The following DHTKD1 variants were observed in gnomAD, a reference collection of about 807,000 sequenced individuals.
DHTKD1 encodes the protein 2-oxoadipate dehydrogenase complex component E1.
In DHTKD1, 78 loss-of-function variants were observed where a neutral mutation model predicts 101.8. The ratio of observed to expected loss-of-function variants is 0.77; its 90% CI spans 0.64 to 0.93. DHTKD1 has a LOEUF of 0.93. Ranked by LOEUF, DHTKD1 falls within the 40% of genes least tolerant of loss-of-function variation. The pLI is 0.00. For synonymous variants in DHTKD1, 462 were observed against 450.3 expected (o/e 1.03, Z -0.33); for missense variants, 1,223 against 1,161.7 (o/e 1.05, Z -0.77).
At chr10:12,118,632 T>G in intron 14 of DHTKD1, 117 bp from the exon 15 acceptor site, 1 of 634,872 alleles carries the variant, frequency 1.6e-6, no homozygotes, top group African/African-American at 1.8e-5. Context: ...TCCGCCCGCC[T>G]TGGCCTCCCA....
At chr10:12,101,251 G>A (rs1370932930) in intron 10 of DHTKD1, 70 bp downstream of exon 10, 2 of 1,522,636 alleles carry the variant, frequency 1.3e-6, no homozygotes, top group South Asian at 1.2e-5. Flanking sequence ...CTTAGAACAA[G>A]TAGGAAGGAG....
At chr10:12,100,287 G>GTTTTTTTTTTTTTGTTTT in intron 9 of DHTKD1, 25 bp downstream of exon 9, 3 of 269,856 alleles carry the variant, frequency 1.1e-5, no homozygotes, top group Non-Finnish European at 1.2e-5. Flanking sequence ...TTTTTTTTCT[G>GTTTTTTTTTTTTTGTTTT]TTTTTTTTTT....
At chr10:12,084,002 A>G (rs1203223547) in intron 2 of DHTKD1, among the ~76,000 whole-genome samples, 3 of 150,186 alleles carry the variant, frequency 2.0e-5, no homozygotes, top group Non-Finnish European at 4.4e-5. Flanking sequence ...GGCTCACTGC[A>G]ACCTCTGCCT....
intron 12 of DHTKD1, among the ~76,000 whole-genome samples, chr10:12,108,379 A>G (rs1277919248): frequency 6.6e-6 from 1 of 152,052 alleles, no homozygotes; most frequent in African/African-American, 2.4e-5. Context: ...TCTTGGGTTC[A>G]AGCGATTCTC....
chr10:12,073,803 C>T (rs1832685034), intron 1 of DHTKD1, among the ~76,000 whole-genome samples: 1 of 152,208 alleles, frequency 6.6e-6, no homozygotes, highest in East Asian at 1.9e-4. Flanking sequence ...GAAGAAGCTG[C>T]TTCAGCTCTT....
intron 7 of DHTKD1, 33 bp from the exon 8 acceptor site, chr10:12,097,651 G>C (rs1309610206): frequency 6.4e-7 from 1 of 1,569,398 alleles, no homozygotes; most frequent in Admixed American, 1.8e-5. Context: ...TTACAGGTCA[G>C]ACTGATTTTT....
rs552607009 is a variant in DHTKD1, at chr10:12,087,044, C to G, written c.523-491C>G. 4.6e-5 allele frequency among the ~76,000 whole-genome samples: 7 copies of G among 152,196 alleles called. No individual in the cohort carries two copies. The South Asian group carries it at 1.5e-3, about 32-fold the overall frequency. On this transcript the variant is annotated intron_variant, in intron 3 of 16. Coordinates refer to ENST00000263035, the MANE Select transcript of DHTKD1 (RefSeq NM_018706.7). The surrounding 1 kb of genome is among the most constrained non-coding windows in gnomAD (Gnocchi z 5.2). ...AGTTCAGAACTTAATCTGAGATGAT[C>G]AAAAGATGACATGTGGAAGACAGGC...
intron 13 of DHTKD1, among the ~76,000 whole-genome samples, chr10:12,115,903 T>C (rs1172035055): frequency 6.6e-5 from 10 of 151,920 alleles, no homozygotes; most frequent in African/African-American, 2.4e-4. Context: ...CTGGGACTAT[T>C]AGGTGTGTGC....
At chr10:12,075,067 T>C (rs1049955471) in intron 1 of DHTKD1, among the ~76,000 whole-genome samples, 4 of 152,014 alleles carry the variant, frequency 2.6e-5, no homozygotes, top group African/African-American at 9.7e-5. Flanking sequence ...GCCGAGATGG[T>C]GCCACTGTAC....
In DHTKD1 at chr10:12,091,521, T is replaced by C; in HGVS notation, c.996T>C (p.Gly332=). ...CTTGCCTCATGATTTAGGTCCATGG[T>C]GATGCTTCTTTCTGTGGTCAAGGGA... ...GDRVICLQVH[G]DASFCGQGIV... is the part of the protein sequence containing the mutation. The change falls in exon 6 of 17, where the codon GGT becomes GGC. Residue 332 remains glycine (G), a synonymous_variant. Coordinates refer to ENST00000263035, the MANE Select transcript of DHTKD1 (RefSeq NM_018706.7). 4.4e-6 allele frequency: 7 copies of C among 1,601,622 alleles called. No individual in the cohort carries two copies. Among genetic ancestry groups the C allele is most frequent in the Non-Finnish European group, 5.1e-6 (6 of 1,173,532 alleles).
At chr10:12,071,205 T>C (rs540027697) in intron 1 of DHTKD1, among the ~76,000 whole-genome samples, 10 of 152,336 alleles carry the variant, frequency 6.6e-5, no homozygotes, top group South Asian at 2.1e-4. Flanking sequence ...CTTACGGTCA[T>C]GACCCAGAAG....
chr10:12,091,746 C>G, intron 6 of DHTKD1, 62 bp downstream of exon 6: 1 of 1,419,770 alleles, frequency 7.0e-7, no homozygotes, highest in Non-Finnish European at 9.9e-7. Context: ...AGGGAAACCT[C>G]TGGTGCACAC....
rs142017323 is a variant in DHTKD1, at chr10:12,112,929, C to T, written c.2184C>T (p.Asp728=). ...QMCDSAEEGV[D]GDTVNMFVVH... is the part of the protein sequence containing the mutation. The stretch of plus-strand genomic sequence containing the variant: ...GTGACAGTGCGGAAGAGGGGGTGGA[C>T]GGAGACACTGTGAACATGTTTGTGG... The change falls in exon 13 of 17, where the codon GAC becomes GAT. Residue 728 remains aspartate (D), a synonymous_variant. Coordinates refer to ENST00000263035, the MANE Select transcript of DHTKD1 (RefSeq NM_018706.7). 474 of 1,611,274 alleles carry T rather than the reference C, an allele frequency of 2.9e-4. 2 individuals carry two copies. The African/African-American group carries it at 4.0e-3, about 13-fold the overall frequency.
intron 11 of DHTKD1, 128 bp downstream of exon 11, chr10:12,106,524 G>T (rs1833250278): frequency 8.4e-7 from 1 of 1,185,832 alleles, no homozygotes; most frequent in East Asian, 2.4e-5. Context: ...CCTCCAGGGA[G>T]TTGGGGTCAC....
At chr10:12,070,067 A>G (rs1195967151) in intron 1 of DHTKD1, among the ~76,000 whole-genome samples, 1 of 151,998 alleles carries the variant, frequency 6.6e-6, no homozygotes, top group Non-Finnish European at 1.5e-5. Flanking sequence ...TTAATTTCAG[A>G]GTTTAACTCT....
rs548682905 is a variant in DHTKD1 at position 12,093,272 on chromosome 10, G to T, written c.1160-801G>T. On this transcript the variant is annotated intron_variant, in intron 6 of 16. Transcript: ENST00000263035. ...TTGGTCAGGCTGGTCTCAAACTCCT[G>T]ACCTCAGGTAATTCACCTGCCTCAG... Among the ~76,000 whole-genome samples, 4 of 152,206 alleles carry T rather than the reference G, an allele frequency of 2.6e-5. No individual in the cohort carries two copies. The East Asian group carries it at 7.7e-4, about 29-fold the overall frequency.
intron 1 of DHTKD1, among the ~76,000 whole-genome samples, chr10:12,080,450 C>T (rs893689243): frequency 6.6e-6 from 1 of 151,992 alleles, no homozygotes; most frequent in Non-Finnish European, 1.5e-5. Flanking sequence ...CATTGGTTCA[C>T]GCCTGTAATC....
At position 12,103,586 on chromosome 10, in the gene DHTKD1, G is replaced by C. The variant is rs1833204065; in HGVS notation, c.1896+2405G>C. 6.7e-6 allele frequency among the ~76,000 whole-genome samples: 1 copy of C among 150,354 alleles called. No individual in the cohort carries two copies. Among genetic ancestry groups the C allele is most frequent in the South Asian group, 2.1e-4 (1 of 4,748 alleles). On this transcript the variant is annotated intron_variant, in intron 10 of 16. Coordinates refer to ENST00000263035, the MANE Select transcript of DHTKD1 (RefSeq NM_018706.7). The surrounding 1 kb of genome is among the most constrained non-coding windows in gnomAD (Gnocchi z 4.8). The stretch of plus-strand genomic sequence containing the variant: ...GCTGGAGTCCCACAGTGCAATTATA[G>C]CTCACTGTAGCCTCCAGCTCTTAGG...
At position 12,110,982 on chromosome 10, in the gene DHTKD1, G is replaced by A. The variant is rs1289370740; in HGVS notation, c.2155-1918G>A. Among the ~76,000 whole-genome samples the A allele has an allele frequency of 6.8e-6, 1 of 147,160 alleles. No homozygotes were observed. Among genetic ancestry groups the A allele is most frequent in the Non-Finnish European group, 1.5e-5 (1 of 67,176 alleles). On this transcript the variant is annotated intron_variant, in intron 12 of 16. Coordinates refer to ENST00000263035, the MANE Select transcript of DHTKD1 (RefSeq NM_018706.7). This position sits in a 1 kb window ranked among gnomAD's most constrained non-coding sequence, Gnocchi z 4.9. Reference sequence around the variant, plus strand: ...GATCACTTGAGCCTGGGAGGCGGAGGTTGTAGTGAGCTGAGGTTGCACCAC... The same window carrying A: ...GATCACTTGAGCCTGGGAGGCGGAGATTGTAGTGAGCTGAGGTTGCACCAC...
Sources: gnomAD v4.1 joint callset for allele counts (sites outside exome capture counted in the v4.1 genomes callset) on GRCh38, gnomAD v4.1.1 for gene constraint, Gnocchi (gnomAD v3.1) non-coding constraint, MANE v1.5 for transcripts, NCBI Gene and HGNC (gene_info 2026-07-23, HGNC 2026-07-21) for gene names.